The following BABAM2 variants were observed in gnomAD, a reference collection of about 807,000 sequenced individuals.
BABAM2 encodes the protein BRISC and BRCA1-A complex member 2.
BABAM2 carries 31 observed loss-of-function variants against 54.7 expected under a neutral mutation model. That is an observed-to-expected ratio of 0.57 (90% CI 0.43 to 0.77). The LOEUF (loss-of-function observed/expected upper bound fraction) is 0.77. Ranked by LOEUF, BABAM2 falls within the 30% of genes least tolerant of loss-of-function variation. The pLI is 0.00. For synonymous variants in BABAM2, 167 were observed against 162.9 expected (o/e 1.03, Z -0.19); for missense variants, 364 against 455.8 (o/e 0.80, Z 1.83).
At chr2:28,334,606 G>C (rs1053517475) in intron 11 of BABAM2, among the ~76,000 whole-genome samples, 7 of 152,260 alleles carry the variant, frequency 4.6e-5, no homozygotes, top group Non-Finnish European at 8.8e-5. Flanking sequence ...GCAGAGGTTG[G>C]TGGCAGCCTG....
chr2:28,299,175 G>A (rs967856770), intron 11 of BABAM2, among the ~76,000 whole-genome samples: 2 of 152,158 alleles, frequency 1.3e-5, no homozygotes, highest in Admixed American at 1.3e-4. Flanking sequence ...TACACAAATA[G>A]CTTAGGGCTA....
intron 7 of BABAM2, among the ~76,000 whole-genome samples, chr2:28,167,448 C>G (rs11680542): frequency 1.3e-5 from 2 of 151,854 alleles, no homozygotes. Context: ...AATCCCAGCA[C>G]TTTGGGAGGC....
upstream of BABAM2, among the ~76,000 whole-genome samples, chr2:27,889,169 A>T (rs1664638533): frequency 1.3e-5 from 2 of 152,216 alleles, no homozygotes; most frequent in Admixed American, 1.3e-4. Context: ...AACACAGCTT[A>T]TAAATATTTT....
intron 10 of BABAM2, 149 bp from the exon 11 acceptor site, chr2:28,298,189 T>C: frequency 1.2e-6 from 1 of 804,220 alleles, no homozygotes; most frequent in Non-Finnish European, 2.0e-6. Flanking sequence ...TCTTGGTGCC[T>C]CTCTATACAC....
intron 2 of BABAM2, among the ~76,000 whole-genome samples, chr2:27,912,021 TG>T (rs147706825): frequency 6.6e-6 from 1 of 152,318 alleles, no homozygotes; most frequent in African/African-American, 2.4e-5. Flanking sequence ...GCTGTCACAT[TG>T]TTTAACCATG....
intron 11 of BABAM2, among the ~76,000 whole-genome samples, chr2:28,330,424 T>A (rs1292943187): frequency 6.6e-6 from 1 of 152,212 alleles, no homozygotes; most frequent in Non-Finnish European, 1.5e-5. Context: ...ATCTTATATC[T>A]AGAAAACCCC....
chr2:28,056,843 A>C (rs796389707), intron 6 of BABAM2, among the ~76,000 whole-genome samples: 2 of 152,356 alleles, frequency 1.3e-5, no homozygotes, highest in African/African-American at 4.8e-5. Context: ...ATTATTGGGA[A>C]TATAGCATCT....
chr2:28,179,390 T>C (rs1424416799), intron 7 of BABAM2, among the ~76,000 whole-genome samples: 1 of 152,122 alleles, frequency 6.6e-6, no homozygotes, highest in Non-Finnish European at 1.5e-5. Flanking sequence ...GCCATATCAT[T>C]CTCTAAATAG....
At chr2:27,896,980 T>A (rs1665383897) in intron 2 of BABAM2, 1 of 155,362 alleles carries the variant, frequency 6.4e-6, no homozygotes, top group Non-Finnish European at 1.4e-5. Context: ...AGGTCCTCGG[T>A]CTGCACCCTC....
intron 6 of BABAM2, among the ~76,000 whole-genome samples, chr2:28,047,572 A>G (rs1170825500): frequency 3.9e-5 from 6 of 151,976 alleles, no homozygotes; most frequent in Non-Finnish European, 5.9e-5. Flanking sequence ...ATAATCTCAT[A>G]TTTATCTCTT....
intron 7 of BABAM2, among the ~76,000 whole-genome samples, chr2:28,202,842 CA>C (rs778627465): frequency 6.4e-4 from 98 of 152,276 alleles, no homozygotes; most frequent in Non-Finnish European, 1.0e-3. Flanking sequence ...AACATTGCCA[CA>C]AGGATATATG....
At chr2:27,945,522 A>G (rs1014501574) in intron 3 of BABAM2, among the ~76,000 whole-genome samples, 1 of 152,162 alleles carries the variant, frequency 6.6e-6, no homozygotes, top group Admixed American at 6.5e-5. Context: ...GCTGTTTCGG[A>G]TATTCTAAGT....
intron 7 of BABAM2, among the ~76,000 whole-genome samples, chr2:28,201,289 TC>T (rs762191620): frequency 3.9e-5 from 6 of 152,324 alleles, no homozygotes; most frequent in Non-Finnish European, 8.8e-5. Flanking sequence ...AATATGAATT[TC>T]ATTTTCTTTG....
At chr2:27,905,985 A>G (rs1461668443) in intron 2 of BABAM2, among the ~76,000 whole-genome samples, 1 of 152,228 alleles carries the variant, frequency 6.6e-6, no homozygotes, top group Non-Finnish European at 1.5e-5. Context: ...TTTAACAGTC[A>G]TTAGAGATTG....
intron 7 of BABAM2, among the ~76,000 whole-genome samples, chr2:28,147,062 A>G (rs946683285): frequency 1.3e-5 from 2 of 152,306 alleles, no homozygotes; most frequent in South Asian, 2.1e-4. Flanking sequence ...TTCCCTCTAC[A>G]TAATCACTAA....
intron 7 of BABAM2, among the ~76,000 whole-genome samples, chr2:28,230,320 G>T (rs183347709): frequency 1.3e-5 from 2 of 152,154 alleles, no homozygotes; most frequent in African/African-American, 4.8e-5. Flanking sequence ...TTAACTGAAG[G>T]ACTGACACTC....
intron 6 of BABAM2, among the ~76,000 whole-genome samples, chr2:28,102,731 A>G (rs1662370775): frequency 6.6e-6 from 1 of 152,200 alleles, no homozygotes; most frequent in Non-Finnish European, 1.5e-5. Context: ...CTTGTGCATT[A>G]CAATGTGCGA....
intron 6 of BABAM2, among the ~76,000 whole-genome samples, chr2:28,085,141 A>G (rs1665526338): frequency 1.3e-5 from 2 of 152,212 alleles, no homozygotes; most frequent in Admixed American, 6.5e-5. Context: ...TTAGTTAGAC[A>G]TGGCATAGGA....
At chr2:28,327,865 C>T (rs1437617091) in intron 11 of BABAM2, among the ~76,000 whole-genome samples, 3 of 152,226 alleles carry the variant, frequency 2.0e-5, no homozygotes, top group Non-Finnish European at 4.4e-5. Context: ...CCCCTGAAAA[C>T]AGACCAGGCA....
Sources: allele counts gnomAD v4.1 joint callset (sites outside exome capture counted in the v4.1 genomes callset), GRCh38; gene constraint gnomAD v4.1.1; transcripts MANE v1.5; gene names NCBI Gene and HGNC (gene_info 2026-07-23, HGNC 2026-07-21).